WTAP: variants seen among roughly 807,000 people sequenced by gnomAD.
WTAP encodes the protein WT1 associated protein, also known as pre-mRNA-splicing regulator WTAP.
Under a neutral mutation model 50.0 loss-of-function variants are expected in WTAP, and 8 were observed. That is an observed-to-expected ratio of 0.16 (90% CI 0.09 to 0.29). The LOEUF (loss-of-function observed/expected upper bound fraction) is 0.29, where lower values mean the gene tolerates loss of function less well. Among genes scored for constraint, WTAP ranks in the 10% least tolerant of loss-of-function variants. The pLI, the probability that WTAP is intolerant of heterozygous loss-of-function variation, is 1.00. For missense variants in WTAP, 295 were observed against 470.7 expected, an observed-to-expected ratio of 0.63 and a Z score of 3.45; for synonymous variants, 194 against 169.0, an observed-to-expected ratio of 1.15 and a Z score of -1.15.
chr6:159,755,321 G>A lies in WTAP; in HGVS notation c.901G>A (p.Asp301Asn), dbSNP rs1779960999. ...GFHREGNTTEDDFPSSPGNGN... is the reference protein window; with the variant it reads ...GFHREGNTTENDFPSSPGNGN... ...TCACAGGGAGGGCAACACAACCGAA[G>A]ATGACTTTCCTTCTTCTCCAGGGAA... The change falls in exon 8 of 8, where the codon GAT becomes AAT. Residue 301 changes from aspartate to asparagine, a missense_variant. Physicochemically the swap from Asp to Asn is conservative, Grantham distance 23 (BLOSUM62 1). Around this residue, in one of 2 missense-constraint regions of WTAP, gnomAD observed 175 missense variants for 183.1 expected, o/e 0.96. Transcript: ENST00000621533. The A allele has an allele frequency of 1.2e-6, 2 of 1,614,264 alleles. No individual in the cohort carries two copies. Among genetic ancestry groups the A allele is most frequent in the Non-Finnish European group, 1.7e-6 (2 of 1,180,052 alleles).
chr6:159,749,858 G>A (rs917838059), intron 6 of WTAP, among the ~76,000 whole-genome samples: 5 of 152,068 alleles, frequency 3.3e-5, no homozygotes, highest in South Asian at 2.1e-4. Flanking sequence ...AATTTTTTCC[G>A]TCAGATCATT....
intron 3 of WTAP, 44 bp downstream of exon 3, chr6:159,739,089 T>A (rs372140627): frequency 2.7e-6 from 4 of 1,472,834 alleles, no homozygotes; most frequent in Non-Finnish European, 3.8e-6. Context: ...CTATAGAACA[T>A]TATATTGTGA....
At chr6:159,740,310 T>G (rs1232752375) in intron 3 of WTAP, among the ~76,000 whole-genome samples, 1 of 152,220 alleles carries the variant, frequency 6.6e-6, no homozygotes, top group Non-Finnish European at 1.5e-5. Context: ...TAAGATACCT[T>G]TAAGGTTTCT....
At chr6:159,739,131 T>C (rs991733717) in intron 3 of WTAP, 86 bp downstream of exon 3, 14 of 1,109,458 alleles carry the variant, frequency 1.3e-5, no homozygotes, top group African/African-American at 1.1e-4. Flanking sequence ...GTGCCAGATA[T>C]TGTTTTTAAT....
upstream of WTAP, chr6:159,727,458 G>C: frequency 2.0e-6 from 2 of 1,007,108 alleles, no homozygotes; most frequent in Non-Finnish European, 2.4e-6. Context: ...GGGCAGGGCG[G>C]AGCGGAGCCG....
At chr6:159,753,734 A>G in intron 7 of WTAP, 120 bp downstream of exon 7, 4 of 1,276,312 alleles carry the variant, frequency 3.1e-6, no homozygotes, top group African/African-American at 1.5e-5. Flanking sequence ...CTATGATTGT[A>G]TATTATTGTG....
chr6:159,732,886 A>AGTGTGTGTGTGTGTGTGTGTGTGT (rs67554039), intron 1 of WTAP, among the ~76,000 whole-genome samples: 20 of 146,380 alleles, frequency 1.4e-4, no homozygotes, highest in African/African-American at 4.7e-4. Flanking sequence ...ATATATATAT[A>AGTGTGTGTGTGTGTGTGTGTGTGT]GTGTGTGTGT....
At chr6:159,727,018 C>A (rs956503054), upstream of WTAP, 2 of 1,241,492 alleles carry the variant, frequency 1.6e-6, no homozygotes, top group Non-Finnish European at 2.1e-6. Context: ...ACGAGGCAGC[C>A]CCGCAGCCGC....
chr6:159,733,997 C>G (rs1778751297), intron 1 of WTAP, among the ~76,000 whole-genome samples: 1 of 152,184 alleles, frequency 6.6e-6, no homozygotes, highest in Admixed American at 6.5e-5. Flanking sequence ...ATTCTGCTTT[C>G]TTCAACACAA....
At chr6:159,751,289 A>G (rs554557363) in intron 6 of WTAP, among the ~76,000 whole-genome samples, 13 of 152,314 alleles carry the variant, frequency 8.5e-5, no homozygotes, top group Middle Eastern at 3.4e-3. Flanking sequence ...TTGCATTAGA[A>G]TTTGTGACAT....
chr6:159,738,205 TTCA>T (rs1225370144), intron 2 of WTAP, among the ~76,000 whole-genome samples: 2 of 152,228 alleles, frequency 1.3e-5, no homozygotes, highest in Non-Finnish European at 1.5e-5. Flanking sequence ...ACCATAAAGC[TTCA>T]TCGAGTTATT....
At chr6:159,732,420 G>A (rs2758312) in intron 1 of WTAP, among the ~76,000 whole-genome samples, 118,124 of 152,136 alleles carry the variant, frequency 0.78, 46,147 homozygotes, top group South Asian at 0.85. Flanking sequence ...TACCTGTTAC[G>A]TGAAGTTCCT....
intron 3 of WTAP, chr6:159,741,614 A>G (rs1163004325): frequency 1.3e-5 from 2 of 153,530 alleles, no homozygotes; most frequent in Non-Finnish European, 2.9e-5. Flanking sequence ...CTCAGCAGAA[A>G]AAACCTTCTC....
intron 4 of WTAP, 58 bp downstream of exon 4, chr6:159,742,204 C>G: frequency 4.3e-6 from 6 of 1,393,514 alleles, no homozygotes; most frequent in South Asian, 3.7e-5. Context: ...TTGTTAAAAT[C>G]AAAAGGATAG....
intron 1 of WTAP, among the ~76,000 whole-genome samples, chr6:159,728,265 C>G (rs1056594743): frequency 6.6e-6 from 1 of 152,046 alleles, no homozygotes; most frequent in Non-Finnish European, 1.5e-5. Context: ...GAGACAGTTA[C>G]TAGATTTTTT....
In WTAP at chr6:159,756,137, AC is replaced by A. The variant is rs1200696181; in HGVS notation, c.*527del. The A allele has an allele frequency of 2.0e-5, 3 of 153,016 alleles. No homozygotes were observed. The highest frequency in any genetic ancestry group is 4.4e-5 in the Non-Finnish European group (3 of 68,366). 9.5% of individuals were successfully genotyped at this position (153,016 alleles called of 1,614,324 possible). A position where few individuals can be genotyped will look rare whatever the true frequency, so the allele number is the denominator to read the frequency against. Reference sequence around the variant, plus strand: ...TCCTGTAGTAGTTTCAGTGTTAGATACAGTTTTTTCCACCATACATCTGTGC... The same window carrying A: ...TCCTGTAGTAGTTTCAGTGTTAGATAAGTTTTTTCCACCATACATCTGTGC... On this transcript the variant is annotated 3_prime_UTR_variant, in exon 8 of 8. Coordinates refer to ENST00000621533, the MANE Select transcript of WTAP (RefSeq NM_001270531.2).
At chr6:159,753,656 C>A (rs200728198) in intron 7 of WTAP, 42 bp downstream of exon 7, 17 of 1,564,350 alleles carry the variant, frequency 1.1e-5, no homozygotes, top group Non-Finnish European at 1.3e-5. Context: ...CTCAACTTTG[C>A]ATTGGCTTTT....
At chr6:159,745,257 T>G (rs1779506742) in intron 5 of WTAP, 1 of 152,240 alleles carries the variant, frequency 6.6e-6, no homozygotes, top group Non-Finnish European at 1.5e-5. Context: ...ATAGTTGATG[T>G]GTGCACATCA....
At chr6:159,753,295 A>G in intron 6 of WTAP, 165 bp from the exon 7 acceptor site, 2 of 1,022,486 alleles carry the variant, frequency 2.0e-6, no homozygotes, top group African/African-American at 3.2e-5. Flanking sequence ...AAAATACTGA[A>G]ATGCAGAAGA....
Sources: gnomAD v4.1 joint callset for allele counts (sites outside exome capture counted in the v4.1 genomes callset) on GRCh38, gnomAD v4.1.1 for gene constraint, gnomAD v4.1.1 regional missense constraint, MANE v1.5 for transcripts, NCBI Gene and HGNC (gene_info 2026-07-23, HGNC 2026-07-21) for gene names.